MCMBP: variants seen among roughly 807,000 people sequenced by gnomAD.
The protein encoded by MCMBP is minichromosome maintenance complex binding protein, also known as mini-chromosome maintenance complex-binding protein.
A neutral mutation model predicts 81.3 loss-of-function variants in MCMBP; 31 were observed. The ratio of observed to expected loss-of-function variants is 0.38; its 90% CI spans 0.29 to 0.51. The LOEUF (loss-of-function observed/expected upper bound fraction) is 0.51. Ranked by LOEUF, MCMBP falls within the 20% of genes least tolerant of loss-of-function variation. The pLI is 0.87. For synonymous variants in MCMBP, 267 were observed against 275.9 expected, an observed-to-expected ratio of 0.97 and a Z score of 0.32; for missense variants, 645 against 772.1, an observed-to-expected ratio of 0.84 and a Z score of 1.95.
intron 8 of MCMBP, among the ~76,000 whole-genome samples, chr10:119,847,059 TAA>T (rs1376497557): frequency 6.6e-6 from 1 of 152,046 alleles, no homozygotes; most frequent in Non-Finnish European, 1.5e-5. Flanking sequence ...GTGCAAATGA[TAA>T]GATTGTGAAA....
chr10:119,850,380 A>T (rs1391998521), intron 6 of MCMBP, among the ~76,000 whole-genome samples: 1 of 152,146 alleles, frequency 6.6e-6, no homozygotes, highest in Non-Finnish European at 1.5e-5. Context: ...AAAGGGCAAC[A>T]TGAGAGATCT....
In MCMBP at chr10:119,829,850, A is replaced by C. The variant is rs1851930975; in HGVS notation, c.*1624T>G. On this transcript the variant is annotated 3_prime_UTR_variant, in exon 16 of 16. Transcript: ENST00000369077. ...GTTCTTTCAAGGGAACTTTTCTGCA[A>C]GACCAAGCAATGTATGTATTTTTCT... The C allele has an allele frequency of 6.6e-6, 1 of 152,280 alleles. No homozygotes were observed. The highest frequency in any genetic ancestry group is 1.5e-5 in the Non-Finnish European group (1 of 68,044). The allele number at this position is 152,280 out of a possible 1,614,324, so 9.4% of individuals were successfully genotyped here.
At chr10:119,854,759 C>T (rs898228943) in intron 5 of MCMBP, among the ~76,000 whole-genome samples, 2 of 151,532 alleles carry the variant, frequency 1.3e-5, no homozygotes, top group African/African-American at 4.8e-5. Flanking sequence ...GAGATTAAGA[C>T]CATCCTGGCC....
At chr10:119,871,367 G>A (rs890382586) in intron 1 of MCMBP, among the ~76,000 whole-genome samples, 3 of 151,668 alleles carry the variant, frequency 2.0e-5, no homozygotes, top group African/African-American at 7.3e-5. Context: ...CAAGTATGAA[G>A]GTAGTTTTAA....
rs1163076125 is a variant in MCMBP at position 119,847,613 on chromosome 10, C to A, written c.827G>T (p.Arg276Met). 4 of 1,577,968 alleles carry A rather than the reference C, an allele frequency of 2.5e-6. No individual in the cohort carries two copies. The highest frequency in any genetic ancestry group is 2.6e-6 in the Non-Finnish European group (3 of 1,153,098). Residue 276 changes from arginine to methionine, a missense_variant and splice_region_variant, in exon 8 of 16, where the codon AGG becomes ATG. Transcript: ENST00000369077. ...PVLSILNNDERDASALLDPME... is the reference protein window; with the variant it reads ...PVLSILNNDEMDASALLDPME... ...CCAAAAAAAGAGCACACAGACTCACCTTTCATCATTATTCAGTATACTCAG... is the reference window on the plus strand; with the variant it reads ...CCAAAAAAAGAGCACACAGACTCACATTTCATCATTATTCAGTATACTCAG...
upstream of MCMBP, among the ~76,000 whole-genome samples, chr10:119,873,109 G>A (rs1212107853): frequency 6.6e-6 from 1 of 152,068 alleles, no homozygotes; most frequent in Non-Finnish European, 1.5e-5. Context: ...TCCCATAGTG[G>A]GCTTATAAGA....
chr10:119,832,307 T>C (rs1349347858), intron 14 of MCMBP, among the ~76,000 whole-genome samples: 1 of 152,050 alleles, frequency 6.6e-6, no homozygotes, highest in Non-Finnish European at 1.5e-5. Context: ...CAAGCAAACA[T>C]ATAAATCAGC....
At chr10:119,832,288 A>AT (rs773887540) in intron 14 of MCMBP, among the ~76,000 whole-genome samples, 188 bp from the exon 15 acceptor site, 15 of 152,214 alleles carry the variant, frequency 9.9e-5, no homozygotes, top group Non-Finnish European at 1.9e-4. Context: ...ACTCAGATTC[A>AT]TTTAAGGTCA....
chr10:119,849,713 G>A, intron 6 of MCMBP, 137 bp from the exon 7 acceptor site: 1 of 689,212 alleles, frequency 1.5e-6, no homozygotes, highest in Non-Finnish European at 2.3e-6. Flanking sequence ...CAGTTTTTAA[G>A]GAAACAGCAC....
rs562819204 is a variant in MCMBP, at chr10:119,842,720, C to G, written c.1001-125G>C. 10 of 1,001,808 alleles carry G rather than the reference C, an allele frequency of 1.0e-5. No individual in the cohort carries two copies. In the East Asian group the frequency reaches 2.7e-4, roughly 27 times the overall value. 62.1% of individuals were successfully genotyped at this position (1,001,808 alleles called of 1,614,324 possible). Reference sequence around the variant, plus strand: ...GACAGTAGGTAAAGCTTAACATATCCGTCAGTAAGTGATGCTAATCTTAAA... The same window carrying G: ...GACAGTAGGTAAAGCTTAACATATCGGTCAGTAAGTGATGCTAATCTTAAA... On this transcript the variant is annotated intron_variant, in intron 9 of 15. Coordinates refer to ENST00000369077, the MANE Select transcript of MCMBP (RefSeq NM_001256378.2).
rs1851968393 is a variant in MCMBP, at chr10:119,830,324, A to C, written c.*1150T>G. On this transcript the variant is annotated 3_prime_UTR_variant, in exon 16 of 16. Coordinates refer to ENST00000369077, the MANE Select transcript of MCMBP (RefSeq NM_001256378.2). ...CCTTTCTGAAGATTCTGGTTGCCAT[A>C]ACCATGCTACTACAGTCTGTTGTTA... is the stretch of plus-strand genomic sequence containing the variant. The C allele has an allele frequency of 1.3e-5, 2 of 152,496 alleles. No individual in the cohort carries two copies. The highest frequency in any genetic ancestry group is 6.5e-5 in the Admixed American group (1 of 15,282). 9.4% of individuals were successfully genotyped at this position (152,496 alleles called of 1,614,324 possible).
chr10:119,847,764 A>G (rs759053205), intron 7 of MCMBP, 51 bp from the exon 8 acceptor site: 19 of 1,102,342 alleles, frequency 1.7e-5, no homozygotes, highest in Non-Finnish European at 2.5e-5. Flanking sequence ...ACAAAGCTTA[A>G]GATATTAGTC....
chr10:119,840,875 A>G lies in MCMBP; in HGVS notation c.1210T>C (p.Leu404=). Reference sequence around the variant, plus strand: ...ACAAGATGTTGAATAATTCGATACAAGTGTTCTGTGAAGGTACTATTCCGT... The same window carrying G: ...ACAAGATGTTGAATAATTCGATACAGGTGTTCTGTGAAGGTACTATTCCGT... ...CPRNSTFTEH[L]YRIIQHLVPA... The change falls in exon 11 of 16, where the codon TTG becomes CTG. Residue 404 remains leucine, a synonymous_variant. Coordinates refer to ENST00000369077, the MANE Select transcript of MCMBP (RefSeq NM_001256378.2). 6.2e-7 allele frequency: 1 copy of G among 1,606,700 alleles called. No individual in the cohort carries two copies.
Position 119,836,918 on chromosome 10 carries a change from G to A in MCMBP, c.1520C>T (p.Ser507Leu). The A allele has an allele frequency of 1.2e-6, 2 of 1,611,848 alleles. No homozygotes were observed. Among genetic ancestry groups the A allele is most frequent in the Non-Finnish European group, 1.7e-6 (2 of 1,178,898 alleles). ...FPCNINVFITSEGRSLLPADC... is the reference protein window; with the variant it reads ...FPCNINVFITLEGRSLLPADC... ...TACCGGGAGGAGTGACCTCCCCTCC[G>A]AAGTAATGAAAACGTTAATATTGCA... The change falls in exon 13 of 16, where the codon TCG becomes TTG. Residue 507 changes from serine (S) to leucine (L), a missense_variant. By Grantham distance (145) the Ser-to-Leu change is moderately radical. Coordinates refer to ENST00000369077, the MANE Select transcript of MCMBP (RefSeq NM_001256378.2).
At chr10:119,851,697 GAAT>G (rs1249446296) in intron 6 of MCMBP, among the ~76,000 whole-genome samples, 5 of 151,988 alleles carry the variant, frequency 3.3e-5, no homozygotes, top group African/African-American at 1.2e-4. Context: ...TGGAGAAAAA[GAAT>G]ACTACGACAT....
rs570193856 is a variant in MCMBP, at chr10:119,872,788, C to G, written c.-204G>C. On this transcript the variant is annotated 5_prime_UTR_variant, in exon 1 of 16. Transcript: ENST00000369077. ...CGGCTGCGGTGGGGCCGCCGAGGAGCTGCTGGCGACAGTCAGGCGGGCGCG... is the reference window on the plus strand; with the variant it reads ...CGGCTGCGGTGGGGCCGCCGAGGAGGTGCTGGCGACAGTCAGGCGGGCGCG... 361 of 174,022 alleles carry G rather than the reference C, an allele frequency of 2.1e-3. 6 individuals carry two copies. Among genetic ancestry groups the G allele is most frequent in the African/African-American group, 7.4e-3 (308 of 41,850 alleles). The allele number at this position is 174,022 out of a possible 1,614,324, so 10.8% of individuals were successfully genotyped here.
chr10:119,849,659 T>C lies in MCMBP; in HGVS notation c.575-83A>G, dbSNP rs1852739348. ...AACATTCCATAAGTGCCTTTCAAGT[T>C]TGATATACGTGATGCTTCTGAGCTT... is the stretch of plus-strand genomic sequence containing the variant. On this transcript the variant is annotated intron_variant, in intron 6 of 15. Transcript: ENST00000369077. The C allele has an allele frequency of 1.2e-5, 15 of 1,268,136 alleles. No homozygotes were observed. In the South Asian group the frequency reaches 2.2e-4, roughly 18 times the overall value. The allele number at this position is 1,268,136 out of a possible 1,614,324, so 78.6% of individuals were successfully genotyped here.
At chr10:119,870,086 C>T (rs1853615214) in intron 1 of MCMBP, among the ~76,000 whole-genome samples, 1 of 152,180 alleles carries the variant, frequency 6.6e-6, no homozygotes, top group Non-Finnish European at 1.5e-5. Flanking sequence ...ATTGTGACAC[C>T]TAACTTAAAA....
chr10:119,852,943 A>C, intron 6 of MCMBP, 107 bp downstream of exon 6: 1 of 1,344,620 alleles, frequency 7.4e-7, no homozygotes, highest in Non-Finnish European at 1.0e-6. Context: ...TAACTCTGAT[A>C]AATTGCCAGC....
Sources: allele counts gnomAD v4.1 joint callset (sites outside exome capture counted in the v4.1 genomes callset), GRCh38; gene constraint gnomAD v4.1.1; transcripts MANE v1.5; gene names NCBI Gene and HGNC (gene_info 2026-07-23, HGNC 2026-07-21).